The following SPAG16 variants were observed in gnomAD, a reference collection of about 807,000 sequenced individuals.
SPAG16 encodes the protein sperm associated antigen 16, also known as sperm-associated antigen 16 protein.
In SPAG16, 86 loss-of-function variants were observed where a neutral mutation model predicts 80.4. The ratio of observed to expected loss-of-function variants is 1.07; its 90% CI spans 0.90 to 1.28. The LOEUF is 1.28. Ranked by LOEUF, SPAG16 falls within the 50% of genes most tolerant of loss-of-function variation. The pLI is 0.00. For synonymous variants in SPAG16, 294 were observed against 265.9 expected (o/e 1.11, Z -1.03); for missense variants, 870 against 765.3 (o/e 1.14, Z -1.61).
chr2:213,834,806 T>A (rs886855164), intron 10 of SPAG16, among the ~76,000 whole-genome samples: 2 of 152,044 alleles, frequency 1.3e-5, no homozygotes, highest in Admixed American at 6.6e-5. Flanking sequence ...GCAGAAAAAA[T>A]TGTTATTTAA....
rs531912014 is a variant in SPAG16, at chr2:213,814,567, G to A, written c.1071-47918G>A. Among the ~76,000 whole-genome samples, 5 of 152,196 alleles carry A rather than the reference G, an allele frequency of 3.3e-5. No individual in the cohort carries two copies. In the South Asian group the frequency reaches 8.3e-4, roughly 25 times the overall value. The stretch of plus-strand genomic sequence containing the variant: ...AGTACTTTGGGAAGCCAAGGCGGGC[G>A]GATCATGAGGTCAGGAGTTTGAGAA... On this transcript the variant is annotated intron_variant, in intron 10 of 15. Transcript: ENST00000331683.
intron 13 of SPAG16, among the ~76,000 whole-genome samples, chr2:214,087,214 G>A (rs894770222): frequency 2.0e-5 from 3 of 152,060 alleles, no homozygotes; most frequent in Admixed American, 2.0e-4. Context: ...GTTAAATGCA[G>A]ATTTTTTTGC....
chr2:214,408,611 T>G (rs1306944860), intron 15 of SPAG16, among the ~76,000 whole-genome samples: 1 of 152,222 alleles, frequency 6.6e-6, no homozygotes, highest in Non-Finnish European at 1.5e-5. Flanking sequence ...GGGGTAAAAT[T>G]TGTGATTAAA....
chr2:213,790,431 C>T (rs570382993), intron 10 of SPAG16, among the ~76,000 whole-genome samples: 5 of 151,908 alleles, frequency 3.3e-5, no homozygotes, highest in African/African-American at 1.2e-4. Context: ...TAACTCAGAC[C>T]GTTATAACCA....
At chr2:214,313,682 T>C (rs1036067750) in intron 15 of SPAG16, among the ~76,000 whole-genome samples, 17 of 152,104 alleles carry the variant, frequency 1.1e-4, no homozygotes, top group African/African-American at 3.6e-4. Context: ...ACATGACCTC[T>C]TTGCAATTCT....
In SPAG16 at chr2:214,116,229, G is replaced by T. The variant is rs181355018; in HGVS notation, c.1593+7968G>T. 1.9e-3 allele frequency among the ~76,000 whole-genome samples: 282 copies of T among 152,322 alleles called. 1 individual carries two copies. The highest frequency in any genetic ancestry group is 2.8e-3 in the Non-Finnish European group (192 of 68,038). On this transcript the variant is annotated intron_variant, in intron 14 of 15. Coordinates refer to ENST00000331683, the MANE Select transcript of SPAG16 (RefSeq NM_024532.5). ...AGAGACTTGTCTGCTCAATGACAGT[G>T]GTCTTCACACTGAAACTGAAAGTTG...
intron 15 of SPAG16, among the ~76,000 whole-genome samples, chr2:214,232,873 A>G (rs1688797768): frequency 6.6e-6 from 1 of 152,060 alleles, no homozygotes; most frequent in Non-Finnish European, 1.5e-5. Flanking sequence ...ATTAGTTAAG[A>G]GGAGCATTAA....
intron 10 of SPAG16, among the ~76,000 whole-genome samples, chr2:213,727,455 GA>G (rs1180853764): frequency 1.3e-5 from 2 of 152,010 alleles, no homozygotes; most frequent in African/African-American, 2.4e-5. Flanking sequence ...AGGTGGTCAA[GA>G]AAAAAAATCA....
intron 9 of SPAG16, among the ~76,000 whole-genome samples, chr2:213,413,639 A>G (rs1244777665): frequency 6.6e-6 from 1 of 152,198 alleles, no homozygotes; most frequent in Non-Finnish European, 1.5e-5. Context: ...AGCACAGACT[A>G]GTGCATAATT....
intron 10 of SPAG16, among the ~76,000 whole-genome samples, chr2:213,592,241 T>C (rs1252978740): frequency 1.3e-5 from 2 of 152,144 alleles, no homozygotes; most frequent in Admixed American, 1.3e-4. Context: ...TTAAAAACAA[T>C]CACATGCACA....
chr2:213,704,995 G>A (rs1222637592), intron 10 of SPAG16, among the ~76,000 whole-genome samples: 1 of 152,204 alleles, frequency 6.6e-6, no homozygotes, highest in Non-Finnish European at 1.5e-5. Context: ...GCTTGCGCCT[G>A]TAATCCCAGC....
intron 15 of SPAG16, among the ~76,000 whole-genome samples, chr2:214,187,208 C>CCACA (rs144461208): frequency 4.0e-5 from 6 of 150,794 alleles, no homozygotes; most frequent in African/African-American, 1.2e-4. Context: ...ATATATATCC[C>CCACA]CACACACACA....
At chr2:213,491,168 A>G (rs2074218672) in intron 10 of SPAG16, among the ~76,000 whole-genome samples, 2 of 152,206 alleles carry the variant, frequency 1.3e-5, no homozygotes, top group Admixed American at 6.5e-5. Context: ...GGAACCATAA[A>G]AATGATACAT....
intron 10 of SPAG16, among the ~76,000 whole-genome samples, chr2:213,764,343 T>C (rs2068818757): frequency 6.6e-6 from 1 of 152,006 alleles, no homozygotes; most frequent in African/African-American, 2.4e-5. Flanking sequence ...CAGTGCTTTA[T>C]CAGCATGGGT....
chr2:214,001,577 A>G (rs1400147870), intron 12 of SPAG16, among the ~76,000 whole-genome samples: 3 of 152,196 alleles, frequency 2.0e-5, no homozygotes, highest in Non-Finnish European at 4.4e-5. Flanking sequence ...CCAAACCAAG[A>G]GAATCACTCA....
chr2:213,340,150 A>AT lies in SPAG16; in HGVS notation c.537-4dup, dbSNP rs201664825. 2,859 of 1,488,994 alleles carry AT rather than the reference A, an allele frequency of 1.9e-3. No homozygotes were observed. Among genetic ancestry groups the AT allele is most frequent in the Non-Finnish European group, 2.2e-3 (2,415 of 1,085,374 alleles). The allele number at this position is 1,488,994 out of a possible 1,614,324, so 92.2% of individuals were successfully genotyped here. A position where few individuals can be genotyped will look rare whatever the true frequency, so the allele number is the denominator to read the frequency against. ...ATTAGCAGTGATTTATAAAGTTACT[A>AT]TTTTTTTTTCAGCAAAGCTAGAGAA... On this transcript the variant is annotated splice_polypyrimidine_tract_variant and intron_variant, in intron 5 of 15. Coordinates refer to ENST00000331683, the MANE Select transcript of SPAG16 (RefSeq NM_024532.5).
intron 10 of SPAG16, among the ~76,000 whole-genome samples, chr2:213,850,061 T>A (rs949977252): frequency 6.6e-6 from 1 of 152,212 alleles, no homozygotes; most frequent in African/African-American, 2.4e-5. Context: ...TTCATAAATC[T>A]GGAAGTAGTT....
intron 10 of SPAG16, among the ~76,000 whole-genome samples, chr2:213,831,575 T>C (rs2073660292): frequency 6.6e-6 from 1 of 152,134 alleles, no homozygotes; most frequent in Non-Finnish European, 1.5e-5. Context: ...TTGTTTGTAT[T>C]CAGCTCAGGA....
intron 10 of SPAG16, among the ~76,000 whole-genome samples, chr2:213,752,798 G>T (rs1435336686): frequency 6.6e-6 from 1 of 152,150 alleles, no homozygotes; most frequent in African/African-American, 2.4e-5. Flanking sequence ...CCAAAACCTA[G>T]ATTAGGAAGA....
Sources: allele counts gnomAD v4.1 joint callset (sites outside exome capture counted in the v4.1 genomes callset), GRCh38; gene constraint gnomAD v4.1.1; transcripts MANE v1.5; gene names NCBI Gene and HGNC (gene_info 2026-07-23, HGNC 2026-07-21).